The following EVPLL variants were observed in gnomAD, a reference collection of about 807,000 sequenced individuals.
EVPLL encodes envoplakin like.
EVPLL carries 39 observed loss-of-function variants against 46.2 expected under a neutral mutation model. The observed-to-expected ratio is 0.84, with a 90% CI of 0.65 to 1.10. EVPLL has a LOEUF of 1.10. Ranked by LOEUF, EVPLL falls within the 50% of genes least tolerant of loss-of-function variation. The pLI is 0.00. For missense variants in EVPLL, 385 were observed against 412.6 expected, an observed-to-expected ratio of 0.93 and a Z score of 0.58; for synonymous variants, 156 against 165.8, an observed-to-expected ratio of 0.94 and a Z score of 0.46.
At chr17:18,384,678 G>A (rs1987710667) in intron 9 of EVPLL, among the ~76,000 whole-genome samples, 1 of 152,234 alleles carries the variant, frequency 6.6e-6, no homozygotes, top group African/African-American at 2.4e-5. Context: ...GCTGCAGTGA[G>A]CTGTGATCAC....
At chr17:18,388,030 A>ATATATATATACATATATATGTATG (rs769420399) in intron 9 of EVPLL, 189 bp from the exon 10 acceptor site, 1 of 144,730 alleles carries the variant, frequency 6.9e-6, no homozygotes, top group Non-Finnish European at 1.4e-5. Context: ...CTCTCTCCAT[A>ATATATATATACATATATATGTATG]TATATATATA....
In EVPLL at chr17:18,378,721, T is replaced by G. The variant is rs147188396; in HGVS notation, c.-37+738T>G. Among the ~76,000 whole-genome samples, 328 of 151,116 alleles carry G rather than the reference T, an allele frequency of 2.2e-3. 1 individual carries two copies. The highest frequency in any genetic ancestry group is 7.2e-3 in the African/African-American group (298 of 41,130). On this transcript the variant is annotated intron_variant, in intron 1 of 10. Coordinates refer to ENST00000399134, the MANE Select transcript of EVPLL (RefSeq NM_001145127.2). ...TGCTTGAGCCCAGGAGTTTGAGGCT[T>G]CAGTGAGCCATGATCACACCACTGC... is the stretch of plus-strand genomic sequence containing the variant.
chr17:18,379,837 A>G (rs1249680646), intron 1 of EVPLL: 1 of 152,232 alleles, frequency 6.6e-6, no homozygotes, highest in African/African-American at 2.4e-5. Flanking sequence ...GATAAATTCA[A>G]TTAATGCTCA....
intron 9 of EVPLL, among the ~76,000 whole-genome samples, chr17:18,387,690 A>C (rs1335298680): frequency 2.6e-5 from 4 of 152,084 alleles, no homozygotes; most frequent in Non-Finnish European, 5.9e-5. Flanking sequence ...TCATGACAAC[A>C]CTGACCTTCG....
chr17:18,387,061 AT>A (rs35980776), intron 9 of EVPLL, among the ~76,000 whole-genome samples: 84,998 of 143,766 alleles, frequency 0.59, 25,320 homozygotes, highest in African/African-American at 0.65. Flanking sequence ...CGCATGGCTA[AT>A]TTTTTTTTTT....
chr17:18,381,386 A>G lies in EVPLL; in HGVS notation c.83A>G (p.Gln28Arg). The change falls in exon 3 of 11, where the codon CAG (glutamine) becomes CGG (arginine). Residue 28 changes from glutamine (Q) to arginine (R), a missense_variant. Coordinates refer to ENST00000399134, the MANE Select transcript of EVPLL (RefSeq NM_001145127.2). This position sits in a 1 kb window ranked among gnomAD's most constrained non-coding sequence, Gnocchi z 4.2. ...CCACAGGACCGGCTGAACAGTGAGCAGAGCCAGGCCCTGCAGCACCAGCAG... is the reference window on the plus strand; with the variant it reads ...CCACAGGACCGGCTGAACAGTGAGCGGAGCCAGGCCCTGCAGCACCAGCAG... ...RLQQDRLNSEQSQALQHQQET... is the reference protein window; with the variant it reads ...RLQQDRLNSERSQALQHQQET... 6.3e-7 allele frequency: 1 copy of G among 1,580,770 alleles called. No homozygotes were observed. The highest frequency in any genetic ancestry group is 2.4e-5 in the East Asian group (1 of 42,446).
rs1306832117 is a variant in EVPLL, at chr17:18,381,286, T to G, written c.64-81T>G. ...GCCAGCATAGCTGGGGTCCCAAAGG[T>G]GGGGCTCAGGCCCACAATGATGGGC... On this transcript the variant is annotated intron_variant, in intron 2 of 10. Coordinates refer to ENST00000399134, the MANE Select transcript of EVPLL (RefSeq NM_001145127.2). The surrounding 1 kb of genome is among the most constrained non-coding windows in gnomAD (Gnocchi z 4.2). The G allele has an allele frequency of 4.8e-6, 7 of 1,466,326 alleles. No individual in the cohort carries two copies. The African/African-American group carries it at 8.5e-5, about 18-fold the overall frequency. 90.8% of individuals were successfully genotyped at this position (1,466,326 alleles called of 1,614,324 possible).
chr17:18,383,741 G>A lies in EVPLL; in HGVS notation c.876+154G>A, dbSNP rs566199379. 20 of 673,516 alleles carry A rather than the reference G, an allele frequency of 3.0e-5. No homozygotes were observed. In the African/African-American group the frequency reaches 3.4e-4, roughly 12 times the overall value. 41.7% of individuals were successfully genotyped at this position (673,516 alleles called of 1,614,324 possible). On this transcript the variant is annotated intron_variant, in intron 9 of 10. Transcript: ENST00000399134. The stretch of plus-strand genomic sequence containing the variant: ...TAATCCCAGCACTTTGGGAGGCTGA[G>A]GCTGGCCGATCACTTGAGGTCAGGA...
intron 9 of EVPLL, among the ~76,000 whole-genome samples, chr17:18,383,922 G>A (rs1228179815): frequency 6.6e-6 from 1 of 152,068 alleles, no homozygotes; most frequent in Non-Finnish European, 1.5e-5. Context: ...GCAGTGGGCC[G>A]AGAATGGTCC....
intron 1 of EVPLL, among the ~76,000 whole-genome samples, chr17:18,378,899 G>A (rs1401737669): frequency 2.0e-5 from 3 of 151,922 alleles, no homozygotes; most frequent in Non-Finnish European, 2.9e-5. Flanking sequence ...GCAACATGAC[G>A]AAATCCCATC....
At position 18,381,865 on chromosome 17, in the gene EVPLL, G is replaced by A. The variant is rs1987589875; in HGVS notation, c.346+135G>A. ...GGGTCTGGGCAGGGAGACAGCAGAG[G>A]AGACAGTGCAGTCAGGGAAGACTTC... On this transcript the variant is annotated intron_variant, in intron 4 of 10. Transcript: ENST00000399134. The surrounding 1 kb of genome is among the most constrained non-coding windows in gnomAD (Gnocchi z 4.2). 2 of 1,398,564 alleles carry A rather than the reference G, an allele frequency of 1.4e-6. No individual in the cohort carries two copies. Among genetic ancestry groups the A allele is most frequent in the East Asian group, 4.7e-5 (2 of 42,764 alleles). 86.6% of individuals were successfully genotyped at this position (1,398,564 alleles called of 1,614,324 possible).
chr17:18,383,044 G>A lies in EVPLL; in HGVS notation c.531G>A (p.Arg177=). ...PRPTEGGVVA[R]AEPGQPVHAL... ...GCACAGAGGGCGGCGTCGTGGCGCGGGCAGAGCCTGGGCAGCCTGTACACG... is the reference window on the plus strand; with the variant it reads ...GCACAGAGGGCGGCGTCGTGGCGCGAGCAGAGCCTGGGCAGCCTGTACACG... The change falls in exon 7 of 11, where the codon CGG becomes CGA. Residue 177 remains arginine, a synonymous_variant. Transcript: ENST00000399134. 1 of 1,559,520 alleles carries A rather than the reference G, an allele frequency of 6.4e-7. No homozygotes were observed. Among genetic ancestry groups the A allele is most frequent in the Non-Finnish European group, 8.6e-7 (1 of 1,158,962 alleles).
rs1226534785 is a variant in EVPLL, at chr17:18,388,886, C to T, written c.*70C>T. 6.7e-6 allele frequency: 1 copy of T among 148,788 alleles called. No individual in the cohort carries two copies. Among genetic ancestry groups the T allele is most frequent in the African/African-American group, 2.5e-5 (1 of 40,136 alleles). The allele number at this position is 148,788 out of a possible 1,614,324, so 9.2% of individuals were successfully genotyped here. A position where few individuals can be genotyped will look rare whatever the true frequency, so the allele number is the denominator to read the frequency against. ...TGCCGCACGTGCAGAGAGAGAGGAA[C>T]TTCCAGTGCCCGCTATGGAGCCACA... On this transcript the variant is annotated 3_prime_UTR_variant, in exon 11 of 11. Coordinates refer to ENST00000399134, the MANE Select transcript of EVPLL (RefSeq NM_001145127.2).
At chr17:18,382,280 G>A (rs1207473349) in intron 4 of EVPLL, 3 of 451,066 alleles carry the variant, frequency 6.7e-6, no homozygotes, top group African/African-American at 2.0e-5. Context: ...TGAGCCCAGC[G>A]TCTGGGAACC....
chr17:18,382,999 C>A lies in EVPLL; in HGVS notation c.512-26C>A, dbSNP rs761115039. On this transcript the variant is annotated intron_variant, in intron 6 of 10. Coordinates refer to ENST00000399134, the MANE Select transcript of EVPLL (RefSeq NM_001145127.2). The stretch of plus-strand genomic sequence containing the variant: ...CCCCACTTTCTCTCTCCCCACCCTG[C>A]TGCTGGCGGCGGGTCCTGAGCACAG... 3.2e-6 allele frequency: 5 copies of A among 1,558,778 alleles called. 1 individual carries two copies. The South Asian group carries it at 3.5e-5, about 11-fold the overall frequency.
At chr17:18,384,824 G>C (rs149534292) in intron 9 of EVPLL, among the ~76,000 whole-genome samples, 2,563 of 152,286 alleles carry the variant, frequency 0.017, 73 homozygotes, top group African/African-American at 0.058. Context: ...GGTTCTCTGG[G>C]GCCCAGCCTC....
chr17:18,378,271 G>C (rs984323360), intron 1 of EVPLL, among the ~76,000 whole-genome samples: 1 of 152,202 alleles, frequency 6.6e-6, no homozygotes, highest in African/African-American at 2.4e-5. Context: ...GAGAAGTGCC[G>C]GACAGGAGCC....
rs994702828 is a variant in EVPLL, at chr17:18,382,362, G to A, written c.347-151G>A. 78 of 1,042,088 alleles carry A rather than the reference G, an allele frequency of 7.5e-5. No individual in the cohort carries two copies. In the Middle Eastern group the frequency reaches 9.6e-4, roughly 13 times the overall value. 64.6% of individuals were successfully genotyped at this position (1,042,088 alleles called of 1,614,324 possible). Reference sequence around the variant, plus strand: ...CTGCAGAGCAGAATGGCTCACCCTGGGTGAGCTGCAGGGCGTGCACCCGGG... The same window carrying A: ...CTGCAGAGCAGAATGGCTCACCCTGAGTGAGCTGCAGGGCGTGCACCCGGG... On this transcript the variant is annotated intron_variant, in intron 4 of 10. Coordinates refer to ENST00000399134, the MANE Select transcript of EVPLL (RefSeq NM_001145127.2).
At chr17:18,382,995 C>A in intron 6 of EVPLL, 30 bp from the exon 7 acceptor site, 1 of 1,561,212 alleles carries the variant, frequency 6.4e-7, no homozygotes, top group South Asian at 1.2e-5. Flanking sequence ...CTCTCCCCAC[C>A]CTGCTGCTGG....
Sources: gnomAD v4.1 joint callset for allele counts (sites outside exome capture counted in the v4.1 genomes callset) on GRCh38, gnomAD v4.1.1 for gene constraint, Gnocchi (gnomAD v3.1) non-coding constraint, MANE v1.5 for transcripts, NCBI Gene and HGNC (gene_info 2026-07-23, HGNC 2026-07-21) for gene names.